Variants in BTBD1 observed in about 807,000 individuals in gnomAD.
The protein encoded by BTBD1 is BTB domain containing 1.
In BTBD1, 34 loss-of-function variants were observed where a neutral mutation model predicts 48.0. That is an observed-to-expected ratio of 0.71 (90% CI 0.54 to 0.94). The LOEUF (loss-of-function observed/expected upper bound fraction) is 0.94, where lower values mean the gene tolerates loss of function less well. BTBD1 is among the 40% of genes least tolerant of loss of function. The probability of loss-of-function intolerance (pLI) is 0.00; values close to 1 mark genes in which losing one functional copy is unlikely to be tolerated. For synonymous variants in BTBD1, 261 were observed against 242.1 expected (o/e 1.08, Z -0.72); for missense variants, 543 against 625.6 (o/e 0.87, Z 1.41).
intron 5 of BTBD1, among the ~76,000 whole-genome samples, chr15:83,026,517 C>CTTTTTTTTTTTTTTTTTTTTTTTTTTTG (rs563990083): frequency 1.1e-5 from 1 of 88,288 alleles, no homozygotes; most frequent in African/African-American, 4.9e-5. Flanking sequence ...TTTTTTAGTG[C>CTTTTTTTTTTTTTTTTTTTTTTTTTTTG]TTTTTTTTTT....
At chr15:83,046,881 A>G (rs1047982272) in intron 3 of BTBD1, among the ~76,000 whole-genome samples, 2 of 152,228 alleles carry the variant, frequency 1.3e-5, no homozygotes, top group Non-Finnish European at 2.9e-5. Context: ...ACAGAGGAAT[A>G]TAACAAGTAT....
intron 3 of BTBD1, among the ~76,000 whole-genome samples, chr15:83,043,045 A>G (rs1010982901): frequency 6.6e-6 from 1 of 152,228 alleles, no homozygotes; most frequent in Non-Finnish European, 1.5e-5. Flanking sequence ...CAGGAGGCTG[A>G]GACAGCAGGA....
At position 83,066,826 on chromosome 15, in the gene BTBD1, T is replaced by C; in HGVS notation, c.326A>G (p.Asn109Ser). ...GGCCGACGTGGTGGCCATGCCGCCG[T>C]TGAACATGGCGTCAAAGACGGCGCT... ...AGSAVFDAMF[N>S]GGMATTSAEI... Residue 109 changes from asparagine to serine, a missense_variant, in exon 1 of 8, where the codon AAC becomes AGC. This residue lies in a region of BTBD1 where 173 missense variants were observed against 163.9 expected (regional missense o/e 1.06). Transcript: ENST00000261721. 2.1e-6 allele frequency: 3 copies of C among 1,444,908 alleles called. No homozygotes were observed. Among genetic ancestry groups the C allele is most frequent in the East Asian group, 3.0e-5 (1 of 33,732 alleles). 89.5% of individuals were successfully genotyped at this position (1,444,908 alleles called of 1,614,324 possible).
intron 3 of BTBD1, among the ~76,000 whole-genome samples, chr15:83,042,687 A>G (rs1413740824): frequency 1.3e-5 from 2 of 152,168 alleles, no homozygotes; most frequent in Admixed American, 1.3e-4. Flanking sequence ...CCCAGCCAGC[A>G]CTGATATATC....
intron 7 of BTBD1, 94 bp downstream of exon 7, chr15:83,018,589 CAGCTTCTTTTCCCCCCTCTTTATA>C: frequency 1.7e-6 from 2 of 1,157,666 alleles, no homozygotes. Flanking sequence ...TTTTAGCTCC[CAGCTTCTTTTCCCCCCTCTTTATA>C]AATGGCTCAG....
chr15:83,056,302 G>A (rs2033080246), intron 2 of BTBD1, 87 bp downstream of exon 2: 4 of 794,020 alleles, frequency 5.0e-6, no homozygotes, highest in Non-Finnish European at 3.9e-6. Flanking sequence ...TTATAATCTA[G>A]AATTCTCCAG....
rs555647984 is a variant in BTBD1 at position 83,047,187 on chromosome 15, A to G, written c.664+2886T>C. Among the ~76,000 whole-genome samples the G allele has an allele frequency of 5.1e-4, 77 of 152,342 alleles. 1 individual carries two copies. Among genetic ancestry groups the G allele is most frequent in the African/African-American group, 1.7e-3 (72 of 41,578 alleles). ...TATATATACAGAGACAAATACCTAG[A>G]TAAGACTTTCAGAGAGCAATGTGTA... On this transcript the variant is annotated intron_variant, in intron 3 of 7. Transcript: ENST00000261721.
At position 83,020,776 on chromosome 15, in the gene BTBD1, G is replaced by T. The variant is rs970100358; in HGVS notation, c.1056-14C>A. The T allele has an allele frequency of 4.0e-6, 6 of 1,506,370 alleles. No individual in the cohort carries two copies. The highest frequency in any genetic ancestry group is 5.5e-6 in the Non-Finnish European group (6 of 1,087,852). The allele number at this position is 1,506,370 out of a possible 1,614,324, so 93.3% of individuals were successfully genotyped here. On this transcript the variant is annotated splice_polypyrimidine_tract_variant and intron_variant, in intron 5 of 7. Coordinates refer to ENST00000261721, the MANE Select transcript of BTBD1 (RefSeq NM_025238.4). ...TTAACTGTGAATCTGAGAGAAAGAA[G>T]CCAAAAATAAAATATAATTAATCCC...
chr15:83,066,374 C>A (rs913277628), intron 1 of BTBD1, among the ~76,000 whole-genome samples: 1 of 152,230 alleles, frequency 6.6e-6, no homozygotes, highest in South Asian at 2.1e-4. Flanking sequence ...TACTCTCTTC[C>A]CCCAAACAAA....
chr15:83,044,432 A>G, intron 3 of BTBD1: 1 of 1,578,184 alleles, frequency 6.3e-7, no homozygotes, highest in East Asian at 2.2e-5. Flanking sequence ...TTTGATGAAT[A>G]CATGAAGGAG....
chr15:83,062,927 C>A (rs2151315714), intron 1 of BTBD1, among the ~76,000 whole-genome samples: 1 of 152,260 alleles, frequency 6.6e-6, no homozygotes, highest in East Asian at 1.9e-4. Context: ...TTCTGCCTAA[C>A]CTACTCTAAT....
rs568884465 is a variant in BTBD1, at chr15:83,025,562, A to C, written c.1055+4574T>G. On this transcript the variant is annotated intron_variant, in intron 5 of 7. Coordinates refer to ENST00000261721, the MANE Select transcript of BTBD1 (RefSeq NM_025238.4). Reference sequence around the variant, plus strand: ...AGTTCTTACTGGGTTTAATCCTACTACTTAATATTATGTTACTGTTATGAA... The same window carrying C: ...AGTTCTTACTGGGTTTAATCCTACTCCTTAATATTATGTTACTGTTATGAA... Among the ~76,000 whole-genome samples, 10 of 152,068 alleles carry C rather than the reference A, an allele frequency of 6.6e-5. No homozygotes were observed. The South Asian group carries it at 1.2e-3, about 19-fold the overall frequency.
chr15:83,041,968 G>C (rs2032770076), intron 3 of BTBD1, 43 bp from the exon 4 acceptor site: 1 of 1,562,512 alleles, frequency 6.4e-7, no homozygotes, highest in South Asian at 1.1e-5. Flanking sequence ...AAATATTTTA[G>C]CTCTCTAACC....
chr15:83,044,596 C>A (rs2032839211), intron 3 of BTBD1: 3 of 1,594,024 alleles, frequency 1.9e-6, no homozygotes, highest in African/African-American at 1.3e-5. Context: ...GAAACCACAG[C>A]TGATGGCAGA....
At chr15:83,053,500 G>A (rs1054599311) in intron 2 of BTBD1, among the ~76,000 whole-genome samples, 3 of 152,182 alleles carry the variant, frequency 2.0e-5, no homozygotes, top group African/African-American at 2.4e-5. Context: ...TGTACTCTGA[G>A]GCCCTATTCT....
In BTBD1 at chr15:83,050,185, A is replaced by C. The variant is rs748636094; in HGVS notation, c.559-7T>G. The C allele has an allele frequency of 6.4e-7, 1 of 1,559,266 alleles. No homozygotes were observed. Among genetic ancestry groups the C allele is most frequent in the Non-Finnish European group, 8.8e-7 (1 of 1,133,254 alleles). ...GTTCATCAAATAATCGAGCCTAAACATATAAAGAGATAGTTATTTAACTTT... is the reference window on the plus strand; with the variant it reads ...GTTCATCAAATAATCGAGCCTAAACCTATAAAGAGATAGTTATTTAACTTT... On this transcript the variant is annotated splice_region_variant and splice_polypyrimidine_tract_variant and intron_variant, in intron 2 of 7. Coordinates refer to ENST00000261721, the MANE Select transcript of BTBD1 (RefSeq NM_025238.4).
At chr15:83,023,892 G>C (rs2032350460) in intron 5 of BTBD1, among the ~76,000 whole-genome samples, 1 of 152,072 alleles carries the variant, frequency 6.6e-6, no homozygotes, top group African/African-American at 2.4e-5. Flanking sequence ...ATTTGACACA[G>C]GATCTCACTT....
Position 83,030,123 on chromosome 15 carries a change from A to G in BTBD1, c.1055+13T>C, listed in dbSNP as rs750954967. On this transcript the variant is annotated intron_variant, in intron 5 of 7. Transcript: ENST00000261721. ...CCCCCACTCTACCCCCGCATCCCCA[A>G]TATAACAGATACCTGATTCGATCAC... 4.3e-6 allele frequency: 7 copies of G among 1,613,408 alleles called. No individual in the cohort carries two copies. The highest frequency in any genetic ancestry group is 1.3e-5 in the African/African-American group (1 of 74,886).
In BTBD1 at chr15:83,040,014, C is replaced by G. The variant is rs535636446; in HGVS notation, c.862+1714G>C. Among the ~76,000 whole-genome samples, 596 of 146,464 alleles carry G rather than the reference C, an allele frequency of 4.1e-3. 4 individuals are homozygous for G. The highest frequency in any genetic ancestry group is 6.8e-3 in the Middle Eastern group (2 of 294). ...ACACACACACACACACACACACACA[C>G]ACGGACACACACACACCACAGAATA... On this transcript the variant is annotated intron_variant, in intron 4 of 7. Transcript: ENST00000261721.
Sources: gnomAD v4.1 joint callset for allele counts (sites outside exome capture counted in the v4.1 genomes callset) on GRCh38, gnomAD v4.1.1 for gene constraint, gnomAD v4.1.1 regional missense constraint, MANE v1.5 for transcripts, NCBI Gene and HGNC (gene_info 2026-07-23, HGNC 2026-07-21) for gene names.